Variants in TMC8 observed in about 807,000 individuals in gnomAD.
TMC8 encodes the protein transmembrane channel like 8.
A neutral mutation model predicts 76.0 loss-of-function variants in TMC8; 71 were observed. The observed-to-expected ratio is 0.93, with a 90% CI of 0.77 to 1.14. The LOEUF is 1.14. TMC8 is among the 50% of genes most tolerant of loss of function. The pLI, the probability that TMC8 is intolerant of heterozygous loss-of-function variation, is 0.00. For missense variants in TMC8, 924 were observed against 947.9 expected (o/e 0.97, Z 0.33); for synonymous variants, 433 against 433.8 (o/e 1.00, Z 0.02).
In TMC8 at chr17:78,131,872, C is replaced by G. The variant is rs1208728001; in HGVS notation, c.150-10C>G. Reference sequence around the variant, plus strand: ...GACTCAGGGGCGCCCCTGTCACCACCCCCGTCCAGGCAGCTGCGGGAGCCC... The same window carrying G: ...GACTCAGGGGCGCCCCTGTCACCACGCCCGTCCAGGCAGCTGCGGGAGCCC... On this transcript the variant is annotated splice_polypyrimidine_tract_variant and intron_variant, in intron 2 of 15. Transcript: ENST00000318430. The G allele has an allele frequency of 9.6e-6, 14 of 1,459,076 alleles. No homozygotes were observed. The African/African-American group carries it at 1.4e-4, about 15-fold the overall frequency. 90.4% of individuals were successfully genotyped at this position (1,459,076 alleles called of 1,614,324 possible). A position where few individuals can be genotyped will look rare whatever the true frequency, so the allele number is the denominator to read the frequency against.
chr17:78,132,792 C>T lies in TMC8; in HGVS notation c.453C>T (p.Leu151=). 6.2e-7 allele frequency: 1 copy of T among 1,614,218 alleles called. No homozygotes were observed. Among genetic ancestry groups the T allele is most frequent in the Non-Finnish European group, 8.5e-7 (1 of 1,180,024 alleles). ...GACCCCCTTCCTCCTCAACAGCCCT[C>T]CAGTGCCCTGGTAGCCGCCAGTCCC... ...PDPGPTLNLT[L]QCPGSRQSPP... is the part of the protein sequence containing the mutation. Residue 151 remains leucine, a synonymous_variant, in exon 5 of 16, where the codon CTC becomes CTT. Coordinates refer to ENST00000318430, the MANE Select transcript of TMC8 (RefSeq NM_152468.5).
At position 78,138,342 on chromosome 17, in the gene TMC8, C is replaced by A; in HGVS notation, c.1534-7C>A. The A allele has an allele frequency of 6.2e-7, 1 of 1,610,578 alleles. No homozygotes were observed. Reference sequence around the variant, plus strand: ...TGACTCCTGGTTGCTATTGCTTGCGCCCCCAGTACACCCTCCTGAAGAACT... The same window carrying A: ...TGACTCCTGGTTGCTATTGCTTGCGACCCCAGTACACCCTCCTGAAGAACT... On this transcript the variant is annotated splice_region_variant and splice_polypyrimidine_tract_variant and intron_variant, in intron 12 of 15. Coordinates refer to ENST00000318430, the MANE Select transcript of TMC8 (RefSeq NM_152468.5).
chr17:78,135,148 A>G, intron 9 of TMC8, 139 bp downstream of exon 9: 1 of 1,112,720 alleles, frequency 9.0e-7, no homozygotes, highest in Admixed American at 1.9e-5. Flanking sequence ...GAAGGCAGGT[A>G]CACACCTCAC....
At chr17:78,134,781 C>A in intron 8 of TMC8, 89 bp from the exon 9 acceptor site, 1 of 1,596,160 alleles carries the variant, frequency 6.3e-7, no homozygotes, top group Non-Finnish European at 8.5e-7. Flanking sequence ...GGGCCTGCCC[C>A]AGAGTTACAC....
At chr17:78,135,780 G>C (rs547049067) in intron 9 of TMC8, among the ~76,000 whole-genome samples, 1 of 152,268 alleles carries the variant, frequency 6.6e-6, no homozygotes, top group African/African-American at 2.4e-5. Context: ...TTTTGAGGCC[G>C]GGCATGGTGG....
In TMC8 at chr17:78,138,467, A is replaced by G. The variant is rs760629165; in HGVS notation, c.1652A>G (p.Tyr551Cys). ...GLLLAAVPLG[Y>C]VVSSIHSSWD... ...CTTCTGGCTGCAGTGCCCCTGGGCTATGTGGTCAGCAGGTGAGGGGAAGAG... is the reference window on the plus strand; with the variant it reads ...CTTCTGGCTGCAGTGCCCCTGGGCTGTGTGGTCAGCAGGTGAGGGGAAGAG... The change falls in exon 13 of 16, where the codon TAT becomes TGT. Residue 551 changes from tyrosine (Y) to cysteine (C), a missense_variant. Tyr to Cys is a radical substitution (Grantham distance 194, BLOSUM62 -2). Coordinates refer to ENST00000318430, the MANE Select transcript of TMC8 (RefSeq NM_152468.5). The G allele has an allele frequency of 6.2e-7, 1 of 1,613,320 alleles. No individual in the cohort carries two copies. The highest frequency in any genetic ancestry group is 8.5e-7 in the Non-Finnish European group (1 of 1,179,966).
At position 78,138,207 on chromosome 17, in the gene TMC8, G is replaced by T; in HGVS notation, c.1533+19G>T. 1.2e-6 allele frequency: 2 copies of T among 1,613,692 alleles called. No homozygotes were observed. The highest frequency in any genetic ancestry group is 1.7e-6 in the Non-Finnish European group (2 of 1,179,940). ...CAAGAAGGTGACGGCTCATGGCTGG[G>T]GGGTATGGGGTTCGTGCCTCTGGGT... On this transcript the variant is annotated intron_variant, in intron 12 of 15. Transcript: ENST00000318430.
At chr17:78,132,950 G>C (rs1050249976) in intron 5 of TMC8, 80 bp downstream of exon 5, 32 of 1,484,420 alleles carry the variant, frequency 2.2e-5, no homozygotes, top group East Asian at 1.1e-4. Context: ...AGTCTAAGAG[G>C]ACCTCTGCTC....
chr17:78,131,043 G>T (rs2145549133), intron 1 of TMC8, 192 bp downstream of exon 1: 1 of 189,466 alleles, frequency 5.3e-6, no homozygotes. Flanking sequence ...ACAGAAGGGG[G>T]TCCCCCGACA....
intron 10 of TMC8, 153 bp from the exon 11 acceptor site, chr17:78,137,564 C>G (rs2075266477): frequency 4.5e-6 from 5 of 1,119,956 alleles, no homozygotes; most frequent in East Asian, 2.4e-5. Context: ...GCTTCCTGCT[C>G]TAATCCCATC....
chr17:78,133,995 T>C lies in TMC8; in HGVS notation c.811T>C (p.Phe271Leu), dbSNP rs1252317857. ...CAAGAAGCATGAGATCAGCAACGAG[T>C]TCAAGGTGTGTGCACGAGTGAGTGC... is the stretch of plus-strand genomic sequence containing the variant. Reference protein sequence around the residue: ...TIKKHEISNEFKVELEEGRRF... With the variant: ...TIKKHEISNELKVELEEGRRF... The change falls in exon 7 of 16, where the codon TTC becomes CTC. Residue 271 changes from phenylalanine (F) to leucine (L), a missense_variant. Transcript: ENST00000318430. 6.2e-7 allele frequency: 1 copy of C among 1,613,412 alleles called. No individual in the cohort carries two copies. Among genetic ancestry groups the C allele is most frequent in the Non-Finnish European group, 8.5e-7 (1 of 1,180,004 alleles).
At chr17:78,138,261 C>T (rs2075287404) in intron 12 of TMC8, 73 bp downstream of exon 12, 2 of 1,612,192 alleles carry the variant, frequency 1.2e-6, no homozygotes, top group Non-Finnish European at 1.7e-6. Context: ...TCGCCTCCTG[C>T]TCCTGCTCCT....
At chr17:78,132,320 G>A (rs2075028887) in intron 3 of TMC8, 39 bp from the exon 4 acceptor site, 1 of 1,610,348 alleles carries the variant, frequency 6.2e-7, no homozygotes, top group East Asian at 2.2e-5. Context: ...CCCAGCCCCG[G>A]CCCCGGCCTC....
In TMC8 at chr17:78,138,789, TC is replaced by T. The variant is rs754461252; in HGVS notation, c.1823+59del. The T allele has an allele frequency of 1.9e-6, 3 of 1,596,218 alleles. No individual in the cohort carries two copies. In the East Asian group the frequency reaches 6.7e-5, roughly 36 times the overall value. On this transcript the variant is annotated intron_variant, in intron 14 of 15. Transcript: ENST00000318430. ...ACACCTGGAGGGGGAGGTCCTTCCT[TC>T]CATGGGGGTGGTGAGCCTGTGCACC...
chr17:78,131,615 G>A lies in TMC8; in HGVS notation c.27G>A (p.Ser9=). 7.7e-6 allele frequency: 12 copies of A among 1,549,788 alleles called. No individual in the cohort carries two copies. The highest frequency in any genetic ancestry group is 1.0e-5 in the Non-Finnish European group (12 of 1,148,122). MLLPRSVS[S]ERAPGVPEPE... The stretch of plus-strand genomic sequence containing the variant: ...TGCTGCTGCCGCGGTCGGTGTCATC[G>A]GAGCGGGCCCCTGGGGTGCCGGAGC... The change falls in exon 2 of 16, where the codon TCG becomes TCA. Residue 9 remains serine (S), a synonymous_variant. Coordinates refer to ENST00000318430, the MANE Select transcript of TMC8 (RefSeq NM_152468.5).
In TMC8 at chr17:78,139,296, A is replaced by G. The variant is rs369930072; in HGVS notation, c.1902+56A>G. On this transcript the variant is annotated intron_variant, in intron 15 of 15. Coordinates refer to ENST00000318430, the MANE Select transcript of TMC8 (RefSeq NM_152468.5). ...GCAGCTTCAGTGGAAACCCTTCCCT[A>G]TGTGTGGCCGAGGGCCTAGAACACG... 1.1e-5 allele frequency: 18 copies of G among 1,597,846 alleles called. 1 individual carries two copies. The highest frequency in any genetic ancestry group is 1.1e-4 in the South Asian group (10 of 90,734).
chr17:78,140,345 C>T (rs1253663961), intron 15 of TMC8, among the ~76,000 whole-genome samples: 1 of 149,844 alleles, frequency 6.7e-6, no homozygotes, highest in African/African-American at 2.5e-5. Flanking sequence ...AAAAAAATTA[C>T]GACTTTAGGC....
chr17:78,140,710 C>G (rs2075354538), intron 15 of TMC8, 124 bp from the exon 16 acceptor site: 3 of 1,325,710 alleles, frequency 2.3e-6, no homozygotes, highest in Non-Finnish European at 3.2e-6. Context: ...TCGGGCGGGG[C>G]GTGGCCTCTG....
chr17:78,133,857 G>T lies in TMC8; in HGVS notation c.673G>T (p.Val225Leu). 1 of 1,613,220 alleles carries T rather than the reference G, an allele frequency of 6.2e-7. No individual in the cohort carries two copies. The change falls in exon 7 of 16, where the codon GTG becomes TTG. Residue 225 changes from valine (V) to leucine (L), a missense_variant. Val to Leu is a conservative substitution (Grantham distance 32). Coordinates refer to ENST00000318430, the MANE Select transcript of TMC8 (RefSeq NM_152468.5). Reference protein sequence around the residue: ...LCFCGTLRRMVKGLPQKTLLG... With the variant: ...LCFCGTLRRMLKGLPQKTLLG... Reference sequence around the variant, plus strand: ...CCCTGGTCTCCTGCCCCGCAGGATGGTGAAGGGGCTGCCGCAGAAGACTCT... The same window carrying T: ...CCCTGGTCTCCTGCCCCGCAGGATGTTGAAGGGGCTGCCGCAGAAGACTCT...
Sources: allele counts gnomAD v4.1 joint callset (sites outside exome capture counted in the v4.1 genomes callset), GRCh38; gene constraint gnomAD v4.1.1; transcripts MANE v1.5; gene names NCBI Gene and HGNC (gene_info 2026-07-23, HGNC 2026-07-21).